The following PTPRT variants were observed in gnomAD, a reference collection of about 807,000 sequenced individuals.
PTPRT encodes receptor-type tyrosine-protein phosphatase T.
Under a neutral mutation model 176.8 loss-of-function variants are expected in PTPRT, and 56 were observed. The observed-to-expected ratio is 0.32, with a 90% CI of 0.26 to 0.40. The LOEUF (loss-of-function observed/expected upper bound fraction) is 0.40, where lower values mean the gene tolerates loss of function less well. Ranked by LOEUF, PTPRT falls within the 10% of genes least tolerant of loss-of-function variation. The pLI is 1.00. For missense variants in PTPRT, 1,540 were observed against 1,908.2 expected (o/e 0.81, Z 3.60); for synonymous variants, 783 against 739.0 (o/e 1.06, Z -0.96).
At chr20:43,139,669 G>C (rs1040692678) in intron 1 of PTPRT, among the ~76,000 whole-genome samples, 3 of 152,158 alleles carry the variant, frequency 2.0e-5, no homozygotes, top group Non-Finnish European at 4.4e-5. Context: ...AGGGAGGGAG[G>C]TGTTCTTCCT....
intron 2 of PTPRT, among the ~76,000 whole-genome samples, chr20:42,837,016 G>A (rs1191791681): frequency 1.3e-5 from 2 of 152,156 alleles, no homozygotes; most frequent in African/African-American, 2.4e-5. Context: ...CTTAACTGCC[G>A]CACCGCATGG....
At chr20:42,056,541 C>T in the PTPRT span, among the ~76,000 whole-genome samples, 1 of 152,186 alleles carries the variant, frequency 6.6e-6, no homozygotes, top group Non-Finnish European at 1.5e-5. Context: ...GTGTTATGTG[C>T]AGGGCAGCAA....
chr20:42,585,824 T>C (rs961161441), intron 7 of PTPRT, among the ~76,000 whole-genome samples: 1 of 152,208 alleles, frequency 6.6e-6, no homozygotes, highest in Admixed American at 6.5e-5. Flanking sequence ...AGTGAGGGTC[T>C]AATTATTTTT....
intron 1 of PTPRT, among the ~76,000 whole-genome samples, chr20:42,920,488 G>A (rs930697370): frequency 1.3e-5 from 2 of 151,958 alleles, no homozygotes; most frequent in African/African-American, 4.8e-5. Flanking sequence ...ATGGGATGGT[G>A]GTTACATGAT....
At chr20:42,356,811 C>T (rs2058364441) in intron 9 of PTPRT, among the ~76,000 whole-genome samples, 1 of 152,150 alleles carries the variant, frequency 6.6e-6, no homozygotes, top group African/African-American at 2.4e-5. Flanking sequence ...AGTGCGTGAG[C>T]TGGCCTCGCT....
At chr20:42,325,401 G>C (rs1187447522) in intron 11 of PTPRT, among the ~76,000 whole-genome samples, 1 of 152,136 alleles carries the variant, frequency 6.6e-6, no homozygotes, top group Non-Finnish European at 1.5e-5. Context: ...TAGAAATTTA[G>C]AGGAAGAAAA....
At chr20:42,798,366 C>A (rs1207400034) in intron 2 of PTPRT, among the ~76,000 whole-genome samples, 2 of 152,106 alleles carry the variant, frequency 1.3e-5, no homozygotes, top group Non-Finnish European at 2.9e-5. Context: ...TCAAAAGGCA[C>A]AATGCACTTT....
chr20:43,002,412 C>T (rs138481394), intron 1 of PTPRT, among the ~76,000 whole-genome samples: 126 of 152,214 alleles, frequency 8.3e-4, no homozygotes, highest in South Asian at 1.5e-3. Context: ...AAAAGCTTTA[C>T]GCATACTTTG....
chr20:42,746,644 G>C (rs985503622), intron 6 of PTPRT, among the ~76,000 whole-genome samples: 1 of 151,874 alleles, frequency 6.6e-6, no homozygotes, highest in Non-Finnish European at 1.5e-5. Flanking sequence ...AATGATGCAA[G>C]TATTATTAAT....
chr20:42,294,902 A>G (rs1248787197), intron 12 of PTPRT, among the ~76,000 whole-genome samples: 1 of 152,172 alleles, frequency 6.6e-6, no homozygotes, highest in Admixed American at 6.5e-5. Context: ...AAGGGGCACT[A>G]AAGAAAGACA....
chr20:43,184,580 G>A (rs752582645), intron 1 of PTPRT, among the ~76,000 whole-genome samples: 34 of 151,854 alleles, frequency 2.2e-4, no homozygotes, highest in Non-Finnish European at 4.3e-4. Context: ...CCAGCTATTC[G>A]GGAGGCTGAG....
intron 1 of PTPRT, among the ~76,000 whole-genome samples, chr20:42,993,517 T>C (rs1375313900): frequency 3.4e-5 from 4 of 117,766 alleles, no homozygotes. Context: ...TATGTGTGTG[T>C]ATATATATAC....
intron 3 of PTPRT, among the ~76,000 whole-genome samples, chr20:42,781,004 T>C (rs1435412149): frequency 1.3e-5 from 2 of 152,264 alleles, no homozygotes; most frequent in South Asian, 4.1e-4. Flanking sequence ...CAATCCACTT[T>C]AGCCCCACTT....
At chr20:42,737,027 G>A (rs1407310509) in intron 6 of PTPRT, among the ~76,000 whole-genome samples, 1 of 152,210 alleles carries the variant, frequency 6.6e-6, no homozygotes, top group African/African-American at 2.4e-5. Flanking sequence ...ATTCATGAAA[G>A]CCAATACACA....
At chr20:42,574,999 A>G (rs551422819) in intron 7 of PTPRT, among the ~76,000 whole-genome samples, 79 of 152,248 alleles carry the variant, frequency 5.2e-4, no homozygotes, top group Admixed American at 3.1e-3. Flanking sequence ...GCCATGCAGA[A>G]CTGTGAGTCA....
rs1200855939 is a variant in PTPRT, at chr20:42,698,609, C to T, written c.860-20450G>A. Among the ~76,000 whole-genome samples the T allele has an allele frequency of 1.3e-5, 2 of 152,146 alleles. 1 individual carries two copies. The highest frequency in any genetic ancestry group is 1.3e-4 in the Admixed American group (2 of 15,280). ...CTAATGCTTAGGTCTCAACCCTTAC[C>T]AATGAAATCAGAATCTATGCGGGAA... On this transcript the variant is annotated intron_variant, in intron 6 of 30. Coordinates refer to ENST00000373187, the MANE Select transcript of PTPRT (RefSeq NM_007050.6).
intron 7 of PTPRT, among the ~76,000 whole-genome samples, chr20:42,590,146 C>G (rs2073543594): frequency 6.6e-6 from 1 of 152,128 alleles, no homozygotes. Flanking sequence ...ATGAAGAGGT[C>G]AGAGATAGGT....
intron 6 of PTPRT, among the ~76,000 whole-genome samples, chr20:42,728,588 T>C (rs2146256369): frequency 6.6e-6 from 1 of 152,140 alleles, no homozygotes; most frequent in African/African-American, 2.4e-5. Context: ...ACATATACAG[T>C]ATCTCATTTA....
chr20:42,630,823 G>C (rs949619522), intron 7 of PTPRT, among the ~76,000 whole-genome samples: 1 of 152,114 alleles, frequency 6.6e-6, no homozygotes, highest in Non-Finnish European at 1.5e-5. Flanking sequence ...TTACTATCAA[G>C]AGCGTTGCTC....
Sources: allele counts gnomAD v4.1 joint callset (sites outside exome capture counted in the v4.1 genomes callset), GRCh38; gene constraint gnomAD v4.1.1; transcripts MANE v1.5; gene names NCBI Gene and HGNC (gene_info 2026-07-23, HGNC 2026-07-21).